SDAD1: variants seen among roughly 807,000 people sequenced by gnomAD.
SDAD1 encodes the protein SDA1 domain containing 1, also known as protein SDA1 homolog.
In SDAD1, 79 loss-of-function variants were observed where a neutral mutation model predicts 100.3. The observed-to-expected ratio is 0.79, with a 90% CI of 0.66 to 0.95. The LOEUF (loss-of-function observed/expected upper bound fraction) is 0.95. SDAD1 is among the 40% of genes least tolerant of loss of function. The pLI, the probability that SDAD1 is intolerant of heterozygous loss-of-function variation, is 0.00. For synonymous variants in SDAD1, 267 were observed against 271.4 expected (o/e 0.98, Z 0.16); for missense variants, 790 against 810.9 (o/e 0.97, Z 0.31).
chr4:75,984,778 A>ACACACACACACAC (rs1730779567), intron 1 of SDAD1, among the ~76,000 whole-genome samples: 55 of 137,008 alleles, frequency 4.0e-4, no homozygotes, highest in African/African-American at 7.3e-4. Flanking sequence ...CACACACACA[A>ACACACACACACAC]ACACACACAC....
At chr4:75,966,264 G>GCA (rs1553918825) in intron 12 of SDAD1, among the ~76,000 whole-genome samples, 1 of 107,888 alleles carries the variant, frequency 9.3e-6, no homozygotes, top group South Asian at 2.9e-4. Flanking sequence ...CTGAATGAAT[G>GCA]CATACACACA....
chr4:75,950,139 G>C lies in SDAD1; in HGVS notation c.*611C>G, dbSNP rs1007041525. The C allele has an allele frequency of 7.3e-6, 1 of 136,932 alleles. No individual in the cohort carries two copies. The highest frequency in any genetic ancestry group is 1.6e-5 in the Non-Finnish European group (1 of 62,902). 8.5% of individuals were successfully genotyped at this position (136,932 alleles called of 1,614,324 possible). On this transcript the variant is annotated 3_prime_UTR_variant, in exon 22 of 22. Transcript: ENST00000356260. ...AAACAAAAACAAAAAAAACACGGGG[G>C]GGGGGGGGTCACTTAAATCTCTTGG...
intron 6 of SDAD1, among the ~76,000 whole-genome samples, 163 bp from the exon 7 acceptor site, chr4:75,974,296 A>G (rs1199599294): frequency 6.6e-6 from 1 of 152,036 alleles, no homozygotes; most frequent in Admixed American, 6.5e-5. Context: ...ACTTAACCAC[A>G]GGTAAAACAT....
rs570456055 is a variant in SDAD1, at chr4:75,955,834, C to G, written c.2016+141G>C. 5.0e-6 allele frequency: 5 copies of G among 993,022 alleles called. No homozygotes were observed. In the Admixed American group the frequency reaches 1.3e-4, roughly 25 times the overall value. The allele number at this position is 993,022 out of a possible 1,614,324, so 61.5% of individuals were successfully genotyped here. On this transcript the variant is annotated intron_variant, in intron 21 of 21. Coordinates refer to ENST00000356260, the MANE Select transcript of SDAD1 (RefSeq NM_018115.4). ...AGCAATGCTCCCATTAATGGGAACT[C>G]TCCAACAATGCTCTCCAACAATGCT...
chr4:75,980,169 A>G (rs1007620416), intron 3 of SDAD1, among the ~76,000 whole-genome samples: 1 of 152,208 alleles, frequency 6.6e-6, no homozygotes, highest in Non-Finnish European at 1.5e-5. Context: ...AAAAGCCTTT[A>G]GACTAGGGGT....
At chr4:75,959,096 T>TAAAAA (rs1729072792) in intron 17 of SDAD1, among the ~76,000 whole-genome samples, 1 of 5,440 alleles carries the variant, frequency 1.8e-4, no homozygotes, top group African/African-American at 1.1e-3. Context: ...AGACTCTGTC[T>TAAAAA]CAAAAAAAAA....
At chr4:75,984,057 T>C (rs937647711) in intron 1 of SDAD1, among the ~76,000 whole-genome samples, 7 of 152,146 alleles carry the variant, frequency 4.6e-5, no homozygotes, top group African/African-American at 1.4e-4. Flanking sequence ...CCTTTCCCCA[T>C]TGCTTGTTTT....
intron 20 of SDAD1, among the ~76,000 whole-genome samples, chr4:75,956,407 GTTT>G (rs11315314): frequency 4.7e-5 from 6 of 128,506 alleles, no homozygotes; most frequent in Non-Finnish European, 3.4e-5. Flanking sequence ...TTTTTTTTTT[GTTT>G]TTTTTTTTTT....
intron 13 of SDAD1, 46 bp downstream of exon 13, chr4:75,965,718 C>G (rs1177495759): frequency 1.3e-6 from 2 of 1,511,864 alleles, no homozygotes; most frequent in Non-Finnish European, 1.8e-6. Flanking sequence ...AACAGTAACA[C>G]TGTCATCCAT....
intron 12 of SDAD1, 21 bp from the exon 13 acceptor site, chr4:75,965,843 A>G (rs1459946602): frequency 6.2e-7 from 1 of 1,610,332 alleles, no homozygotes; most frequent in South Asian, 1.1e-5. Context: ...AAGAGAACAG[A>G]AAGGTCATGG....
chr4:75,975,852 AAAG>A lies in SDAD1; in HGVS notation c.478-11_478-9del, dbSNP rs761437007. The A allele has an allele frequency of 1.2e-6, 2 of 1,612,314 alleles. No individual in the cohort carries two copies. Among genetic ancestry groups the A allele is most frequent in the Non-Finnish European group, 1.7e-6 (2 of 1,178,388 alleles). On this transcript the variant is annotated splice_polypyrimidine_tract_variant and intron_variant, in intron 5 of 21. Coordinates refer to ENST00000356260, the MANE Select transcript of SDAD1 (RefSeq NM_018115.4). ...CATGAAATTTTGCAATACCTGCAGA[AAAG>A]GAGGAGAAAGAAGACTTAATGCACT...
chr4:75,957,869 G>C lies in SDAD1; in HGVS notation c.1556C>G (p.Ser519Cys), dbSNP rs1728994213. 1.2e-6 allele frequency: 2 copies of C among 1,613,898 alleles called. No individual in the cohort carries two copies. Among genetic ancestry groups the C allele is most frequent in the Non-Finnish European group, 1.7e-6 (2 of 1,179,980 alleles). The change falls in exon 18 of 22, where the codon TCC (serine) becomes TGC (cysteine). Residue 519 changes from serine (S) to cysteine (C), a missense_variant. Physicochemically the swap from Ser to Cys is moderately radical, Grantham distance 112. Coordinates refer to ENST00000356260, the MANE Select transcript of SDAD1 (RefSeq NM_018115.4). ...DGEWIDVQHS[S>C]DEEQQEISKK... ...TACGATTTCTTGCTGTTCTTCATCGGAAGAGTGTTGCACATCAATCCATTC... is the reference window on the plus strand; with the variant it reads ...TACGATTTCTTGCTGTTCTTCATCGCAAGAGTGTTGCACATCAATCCATTC...
rs759970229 is a variant in SDAD1, at chr4:75,957,505, T to C, written c.1769+13A>G. 1 of 1,613,138 alleles carries C rather than the reference T, an allele frequency of 6.2e-7. No individual in the cohort carries two copies. The highest frequency in any genetic ancestry group is 1.1e-5 in the South Asian group (1 of 91,058). Reference sequence around the variant, plus strand: ...GAGCTGACTGAAGTACTAAAGTGGATGTGCCATTTTACCTGGGCTCTTCAT... The same window carrying C: ...GAGCTGACTGAAGTACTAAAGTGGACGTGCCATTTTACCTGGGCTCTTCAT... On this transcript the variant is annotated intron_variant, in intron 19 of 21. Coordinates refer to ENST00000356260, the MANE Select transcript of SDAD1 (RefSeq NM_018115.4).
At chr4:75,978,942 G>A (rs1179736100) in intron 3 of SDAD1, among the ~76,000 whole-genome samples, 1 of 122,380 alleles carries the variant, frequency 8.2e-6, no homozygotes, top group Non-Finnish European at 1.6e-5. Context: ...TCGTACCACT[G>A]TACTCCAGCC....
intron 13 of SDAD1, among the ~76,000 whole-genome samples, chr4:75,964,916 G>A (rs940198794): frequency 2.6e-5 from 4 of 152,076 alleles, no homozygotes; most frequent in African/African-American, 9.7e-5. Context: ...GAGGATGTAT[G>A]TAGCCTCAGG....
chr4:75,974,468 C>G (rs1053219263), intron 6 of SDAD1, among the ~76,000 whole-genome samples: 4 of 151,032 alleles, frequency 2.6e-5, no homozygotes, highest in African/African-American at 7.3e-5. Context: ...GTAATCCCAG[C>G]ACTTTGGAGG....
chr4:75,980,531 CTG>C (rs2149328000), intron 3 of SDAD1, among the ~76,000 whole-genome samples: 1 of 152,228 alleles, frequency 6.6e-6, no homozygotes, highest in South Asian at 2.1e-4. Context: ...GAAGCAGAGA[CTG>C]ATTTATTACA....
intron 14 of SDAD1, among the ~76,000 whole-genome samples, chr4:75,963,156 C>T (rs1400944548): frequency 1.3e-5 from 2 of 152,122 alleles, no homozygotes; most frequent in Admixed American, 1.3e-4. Flanking sequence ...GGAATCCTTT[C>T]CCTATTTCTT....
intron 1 of SDAD1, among the ~76,000 whole-genome samples, chr4:75,985,595 T>A (rs958781103): frequency 6.6e-6 from 1 of 152,208 alleles, no homozygotes; most frequent in Admixed American, 6.5e-5. Context: ...CTTCTCACCC[T>A]CTATCTCAAT....
Sources: allele counts gnomAD v4.1 joint callset (sites outside exome capture counted in the v4.1 genomes callset), GRCh38; gene constraint gnomAD v4.1.1; transcripts MANE v1.5; gene names NCBI Gene and HGNC (gene_info 2026-07-23, HGNC 2026-07-21).